PDE1A: variants seen among roughly 807,000 people sequenced by gnomAD.
The protein encoded by PDE1A is phosphodiesterase 1A.
A neutral mutation model predicts 61.7 loss-of-function variants in PDE1A; 35 were observed. The ratio of observed to expected loss-of-function variants is 0.57; its 90% CI spans 0.43 to 0.75. The LOEUF (loss-of-function observed/expected upper bound fraction) is 0.75, where lower values mean the gene tolerates loss of function less well. Among genes scored for constraint, PDE1A ranks in the 30% least tolerant of loss-of-function variants. The pLI, the probability that PDE1A is intolerant of heterozygous loss-of-function variation, is 0.00. For synonymous variants in PDE1A, 232 were observed against 213.2 expected, an observed-to-expected ratio of 1.09 and a Z score of -0.77; for missense variants, 597 against 630.6, an observed-to-expected ratio of 0.95 and a Z score of 0.57.
the PDE1A span, among the ~76,000 whole-genome samples, chr2:182,671,338 ATTTT>A: frequency 1.4e-3 from 102 of 75,228 alleles, no homozygotes; most frequent in South Asian, 0.016. Context: ...CGACTGGCTA[ATTTT>A]TTTTTTTTTT....
At chr2:182,564,646 G>A in the PDE1A span, among the ~76,000 whole-genome samples, 1 of 152,168 alleles carries the variant, frequency 6.6e-6, no homozygotes, top group Admixed American at 6.5e-5. Flanking sequence ...ACTGCAGAGT[G>A]TTTTCCAACT....
At chr2:182,330,521 A>T (rs1204359334) in intron 1 of PDE1A, among the ~76,000 whole-genome samples, 8 of 152,068 alleles carry the variant, frequency 5.3e-5, no homozygotes, top group Non-Finnish European at 8.8e-5. Flanking sequence ...ATTAAGAAAC[A>T]CACATAAATG....
At chr2:182,595,510 T>C in the PDE1A span, among the ~76,000 whole-genome samples, 1 of 152,192 alleles carries the variant, frequency 6.6e-6, no homozygotes, top group African/African-American at 2.4e-5. Flanking sequence ...GGAAAATAAA[T>C]AGGTCAAGGC....
intron 2 of PDE1A, among the ~76,000 whole-genome samples, chr2:182,493,463 G>A (rs780900435): frequency 2.6e-5 from 4 of 152,056 alleles, no homozygotes; most frequent in Admixed American, 6.6e-5. Context: ...CCCGGTGTGT[G>A]ATGTTCCCCT....
chr2:182,281,414 G>T (rs1693797106), intron 1 of PDE1A, among the ~76,000 whole-genome samples: 1 of 151,812 alleles, frequency 6.6e-6, no homozygotes, highest in South Asian at 2.1e-4. Context: ...GGAGCAAATG[G>T]TCATGCAACT....
downstream of PDE1A, among the ~76,000 whole-genome samples, chr2:182,164,855 A>G (rs1304338729): frequency 6.6e-6 from 1 of 152,150 alleles, no homozygotes; most frequent in Non-Finnish European, 1.5e-5. Flanking sequence ...TTCCCTGCAT[A>G]CAATGCTATT....
At chr2:182,415,353 A>G (rs1398842394) in intron 1 of PDE1A, among the ~76,000 whole-genome samples, 2 of 152,174 alleles carry the variant, frequency 1.3e-5, no homozygotes, top group Non-Finnish European at 2.9e-5. Context: ...ACACATTAAA[A>G]TAAAACAATG....
the PDE1A span, among the ~76,000 whole-genome samples, chr2:182,604,495 T>A: frequency 6.6e-6 from 1 of 152,210 alleles, no homozygotes; most frequent in Non-Finnish European, 1.5e-5. Flanking sequence ...CATGAAGAAC[T>A]ACTTAAAATG....
chr2:182,394,470 G>A (rs1250447021), intron 1 of PDE1A, among the ~76,000 whole-genome samples: 1 of 152,092 alleles, frequency 6.6e-6, no homozygotes, highest in African/African-American at 2.4e-5. Context: ...TACAATTCAA[G>A]ATGAGATTTG....
At chr2:182,583,881 T>G in the PDE1A span, among the ~76,000 whole-genome samples, 2 of 152,212 alleles carry the variant, frequency 1.3e-5, no homozygotes, top group Admixed American at 6.5e-5. Context: ...ATTAAATTTT[T>G]GCACAGAAGT....
intron 2 of PDE1A, among the ~76,000 whole-genome samples, chr2:182,516,694 G>GGGGAAGGGAGGAAGGAAGGA (rs1690175122): frequency 3.9e-5 from 2 of 50,984 alleles, no homozygotes; most frequent in Non-Finnish European, 7.6e-5. Flanking sequence ...GGAGGGAAGG[G>GGGGAAGGGAGGAAGGAAGGA]AGGAAGGGAG....
chr2:182,398,581 T>C (rs1449540611), intron 1 of PDE1A, among the ~76,000 whole-genome samples: 3 of 151,990 alleles, frequency 2.0e-5, no homozygotes, highest in South Asian at 2.1e-4. Context: ...GCATCCTCAA[T>C]TGAATTATAA....
chr2:182,579,353 T>C, the PDE1A span, among the ~76,000 whole-genome samples: 2 of 152,206 alleles, frequency 1.3e-5, no homozygotes, highest in African/African-American at 4.8e-5. Flanking sequence ...ATCTATAAAG[T>C]GGGAGGTCAC....
At chr2:182,643,167 C>T in the PDE1A span, among the ~76,000 whole-genome samples, 192 of 152,338 alleles carry the variant, frequency 1.3e-3, 3 homozygotes, top group East Asian at 0.018. Context: ...TGCTCAATTC[C>T]TGGCTGCTTG....
chr2:182,548,963 C>T, the PDE1A span, among the ~76,000 whole-genome samples: 1,398 of 152,208 alleles, frequency 9.2e-3, 27 homozygotes, highest in African/African-American at 0.032. Context: ...GTGTTTAAGA[C>T]GTTAAGTCCA....
At chr2:182,680,449 C>T in the PDE1A span, among the ~76,000 whole-genome samples, 1 of 151,906 alleles carries the variant, frequency 6.6e-6, no homozygotes, top group Non-Finnish European at 1.5e-5. Context: ...ACCAAGTTGC[C>T]CAGGCTGGGA....
intron 1 of PDE1A, among the ~76,000 whole-genome samples, chr2:182,317,710 G>A (rs995193429): frequency 3.9e-5 from 6 of 152,070 alleles, no homozygotes; most frequent in African/African-American, 1.2e-4. Flanking sequence ...GTGTGGTAAC[G>A]GGGCAGGGAC....
At chr2:182,283,789 A>G (rs569121450) in intron 1 of PDE1A, among the ~76,000 whole-genome samples, 2 of 152,228 alleles carry the variant, frequency 1.3e-5, no homozygotes, top group Admixed American at 6.6e-5. Context: ...TTATGAAGTG[A>G]AAGTACAAAG....
At chr2:182,472,731 T>A (rs1305260304) in intron 2 of PDE1A, among the ~76,000 whole-genome samples, 1 of 151,374 alleles carries the variant, frequency 6.6e-6, no homozygotes, top group Non-Finnish European at 1.5e-5. Context: ...CATTTCCACA[T>A]AATCAACTCT....
Sources: gnomAD v4.1 joint callset for allele counts (sites outside exome capture counted in the v4.1 genomes callset) on GRCh38, gnomAD v4.1.1 for gene constraint, MANE v1.5 for transcripts, NCBI Gene and HGNC (gene_info 2026-07-23, HGNC 2026-07-21) for gene names.